Variants in MAP3K19 observed in about 807,000 individuals in gnomAD.
The protein encoded by MAP3K19 is SPS1/STE20-related protein kinase YSK4.
A neutral mutation model predicts 114.4 loss-of-function variants in MAP3K19; 91 were observed. The observed-to-expected ratio is 0.80, with a 90% CI of 0.67 to 0.95. MAP3K19 has a LOEUF of 0.95. MAP3K19 is among the 40% of genes least tolerant of loss of function. The pLI, the probability that MAP3K19 is intolerant of heterozygous loss-of-function variation, is 0.00. For synonymous variants in MAP3K19, 518 were observed against 530.5 expected, an observed-to-expected ratio of 0.98 and a Z score of 0.32; for missense variants, 1,471 against 1,573.2, an observed-to-expected ratio of 0.94 and a Z score of 1.10.
In MAP3K19 at chr2:134,986,172, A is replaced by G; in HGVS notation, c.2700T>C (p.Ser900=). The G allele has an allele frequency of 1.2e-6, 2 of 1,613,912 alleles. No homozygotes were observed. The highest frequency in any genetic ancestry group is 2.2e-5 in the South Asian group (2 of 90,926). The change falls in exon 10 of 13, where the codon TCT becomes TCC. Residue 900 remains serine, a synonymous_variant. Transcript: ENST00000392915. ...DLEFDSVSDH[S]KTLTNFSFQA... is the part of the protein sequence containing the mutation. ...GGAAAGAGAAATTTGTAAGTGTTTT[A>G]GAGTGATCTGAAACACTATCAAACT...
At chr2:134,988,870 CT>C (rs1288427249) in intron 9 of MAP3K19, among the ~76,000 whole-genome samples, 2 of 152,080 alleles carry the variant, frequency 1.3e-5, no homozygotes, top group Non-Finnish European at 2.9e-5. Flanking sequence ...TATTTCTCTT[CT>C]TTTTTCTTTT....
chr2:135,043,042 C>T (rs1558748415), intron 1 of MAP3K19, among the ~76,000 whole-genome samples: 1 of 152,064 alleles, frequency 6.6e-6, no homozygotes, highest in Non-Finnish European at 1.5e-5. Context: ...GAGATCAAAC[C>T]ACTGCGCTCC....
At chr2:135,005,888 C>A (rs1256502707) in intron 5 of MAP3K19, among the ~76,000 whole-genome samples, 1 of 152,142 alleles carries the variant, frequency 6.6e-6, no homozygotes, top group African/African-American at 2.4e-5. Flanking sequence ...TCACAGTGAA[C>A]AACCCCAAAG....
intron 8 of MAP3K19, among the ~76,000 whole-genome samples, chr2:134,995,120 T>G (rs1348532163): frequency 1.3e-5 from 2 of 152,050 alleles, no homozygotes; most frequent in African/African-American, 4.8e-5. Context: ...AAGACCAGCC[T>G]GGGCAATATA....
At chr2:134,972,145 A>C (rs1048847121) in intron 12 of MAP3K19, among the ~76,000 whole-genome samples, 3 of 152,032 alleles carry the variant, frequency 2.0e-5, no homozygotes, top group Non-Finnish European at 4.4e-5. Flanking sequence ...TAAGTTATTA[A>C]TGACTATTGT....
At chr2:134,977,392 T>G (rs988626959) in intron 12 of MAP3K19, among the ~76,000 whole-genome samples, 2 of 127,292 alleles carry the variant, frequency 1.6e-5, no homozygotes, top group Non-Finnish European at 3.1e-5. Context: ...AGATGAAGTC[T>G]CGCTCTGTCA....
intron 8 of MAP3K19, among the ~76,000 whole-genome samples, chr2:134,997,813 G>A (rs1226552913): frequency 6.2e-5 from 5 of 80,072 alleles, no homozygotes; most frequent in African/African-American, 1.1e-4. Flanking sequence ...GCGAGACTCC[G>A]TCTCAAAAAA....
chr2:135,040,908 C>T (rs1461098643), intron 1 of MAP3K19, among the ~76,000 whole-genome samples: 1 of 152,152 alleles, frequency 6.6e-6, no homozygotes, highest in East Asian at 1.9e-4. Context: ...ACTGTGTGAC[C>T]ACGACCATAT....
chr2:135,035,917 C>T (rs926487363), intron 2 of MAP3K19, among the ~76,000 whole-genome samples: 1 of 152,200 alleles, frequency 6.6e-6, no homozygotes, highest in Non-Finnish European at 1.5e-5. Flanking sequence ...TCACTGCAAC[C>T]TCCGCCTCCA....
intron 5 of MAP3K19, among the ~76,000 whole-genome samples, chr2:135,015,323 G>A (rs183176919): frequency 2.0e-5 from 3 of 152,178 alleles, no homozygotes; most frequent in Admixed American, 1.3e-4. Flanking sequence ...AATATATTTT[G>A]TTGGCCATTT....
At position 134,987,156 on chromosome 2, in the gene MAP3K19, T is replaced by C. The variant is rs767449793; in HGVS notation, c.1716A>G (p.Gln572=). The C allele has an allele frequency of 5.6e-6, 9 of 1,614,024 alleles. No individual in the cohort carries two copies. Among genetic ancestry groups the C allele is most frequent in the African/African-American group, 1.3e-5 (1 of 74,898 alleles). Residue 572 remains glutamine, a synonymous_variant, in exon 10 of 13, where the codon CAA becomes CAG. Coordinates refer to ENST00000392915, the MANE Select transcript of MAP3K19 (RefSeq NM_025052.5). ...PTMHKTSIKT[Q]IFPALGLVDP... ...CCACAAGTCCCAAAGCCGGGAAAAT[T>C]TGTGTTTTTATGCTGGTTTTATGCA... is the stretch of plus-strand genomic sequence containing the variant.
At chr2:134,995,399 G>A (rs1685913835) in intron 8 of MAP3K19, among the ~76,000 whole-genome samples, 1 of 152,042 alleles carries the variant, frequency 6.6e-6, no homozygotes, top group Non-Finnish European at 1.5e-5. Context: ...GGAGGCAAGG[G>A]AATTCCCAGG....
rs756053001 is a variant in MAP3K19 at position 134,980,983 on chromosome 2, A to G, written c.3758T>C (p.Ile1253Thr). The G allele has an allele frequency of 9.8e-5, 158 of 1,614,030 alleles. 1 individual carries two copies. In the East Asian group the frequency reaches 3.4e-3, roughly 34 times the overall value. Residue 1253 changes from isoleucine to threonine, a missense_variant, in exon 12 of 13, where the codon ATT becomes ACT. By Grantham distance (89) the Ile-to-Thr change is moderately conservative. Coordinates refer to ENST00000392915, the MANE Select transcript of MAP3K19 (RefSeq NM_025052.5). Reference sequence around the variant, plus strand: ...AGCCATCTCAAACACAGTACAACCAATGCTCCAGATATCTGATTTCCGTCC... The same window carrying G: ...AGCCATCTCAAACACAGTACAACCAGTGCTCCAGATATCTGATTTCCGTCC... ...GYGRKSDIWS[I>T]GCTVFEMATG...
rs777603230 is a variant in MAP3K19 at position 134,986,541 on chromosome 2, T to C, written c.2331A>G (p.Leu777=). ...WQIKSSGNEF[L]SSKDEIHPMN... The stretch of plus-strand genomic sequence containing the variant: ...TGGGATGAATTTCATCTTTGGAAGA[T>C]AGAAACTCATTTCCTGAAGACTTTA... The change falls in exon 10 of 13, where the codon CTA becomes CTG. Residue 777 remains leucine (L), a synonymous_variant. Coordinates refer to ENST00000392915, the MANE Select transcript of MAP3K19 (RefSeq NM_025052.5). 5 of 1,614,158 alleles carry C rather than the reference T, an allele frequency of 3.1e-6. No homozygotes were observed. Among genetic ancestry groups the C allele is most frequent in the East Asian group, 2.2e-5 (1 of 44,884 alleles).
intron 4 of MAP3K19, 63 bp downstream of exon 4, chr2:135,024,563 A>G: frequency 7.0e-7 from 1 of 1,428,738 alleles, no homozygotes; most frequent in Non-Finnish European, 9.9e-7. Context: ...ATGTAGAAAA[A>G]GAAAGAGATC....
chr2:134,996,705 T>C (rs1686016823), intron 8 of MAP3K19, among the ~76,000 whole-genome samples: 1 of 152,204 alleles, frequency 6.6e-6, no homozygotes, highest in African/African-American at 2.4e-5. Flanking sequence ...AAGTTTATCA[T>C]GCTGCGAAGG....
rs1254426418 is a variant in MAP3K19 at position 134,985,823 on chromosome 2, C to T, written c.3049G>A (p.Glu1017Lys). ...ACCTGTATTTTGACTTTTGTTGTCT[C>T]TCTGCCCATTTCTTTTGGGGTACTT... ...RGSTPKEMGRETTKVKIQRHS... is the reference protein window; with the variant it reads ...RGSTPKEMGRKTTKVKIQRHS... The change falls in exon 10 of 13, where the codon GAG becomes AAG. Residue 1017 changes from glutamate (E) to lysine (K), a missense_variant. Coordinates refer to ENST00000392915, the MANE Select transcript of MAP3K19 (RefSeq NM_025052.5). 1 of 1,609,764 alleles carries T rather than the reference C, an allele frequency of 6.2e-7. No individual in the cohort carries two copies. The highest frequency in any genetic ancestry group is 1.1e-5 in the South Asian group (1 of 89,906).
Position 134,986,293 on chromosome 2 carries a change from C to G in MAP3K19, c.2579G>C (p.Ser860Thr), listed in dbSNP as rs765232723. The G allele has an allele frequency of 3.1e-6, 5 of 1,614,036 alleles. No individual in the cohort carries two copies. Among genetic ancestry groups the G allele is most frequent in the Non-Finnish European group, 4.2e-6 (5 of 1,180,004 alleles). Residue 860 changes from serine to threonine, a missense_variant, in exon 10 of 13, where the codon AGT (serine) becomes ACT (threonine). By Grantham distance (58) the Ser-to-Thr change is moderately conservative (BLOSUM62 1). Coordinates refer to ENST00000392915, the MANE Select transcript of MAP3K19 (RefSeq NM_025052.5). ...IPSEDSWAVP[S>T]EKNSNKYVQQ... ...TACATACTTGTTAGAATTCTTCTCA[C>G]TGGGCACTGCCCAGCTGTCTTCTGA...
At chr2:135,046,175 T>C (rs1441167249) in intron 1 of MAP3K19, among the ~76,000 whole-genome samples, 1 of 152,206 alleles carries the variant, frequency 6.6e-6, no homozygotes, top group Non-Finnish European at 1.5e-5. Context: ...CTTTTTATTA[T>C]TGAGCTCTAT....
Sources: gnomAD v4.1 joint callset for allele counts (sites outside exome capture counted in the v4.1 genomes callset) on GRCh38, gnomAD v4.1.1 for gene constraint, MANE v1.5 for transcripts, NCBI Gene and HGNC (gene_info 2026-07-23, HGNC 2026-07-21) for gene names.